Variants in ZC3H12B observed in about 807,000 individuals in gnomAD.
ZC3H12B encodes the protein probable ribonuclease ZC3H12B.
In ZC3H12B, 7 loss-of-function variants were observed where a neutral mutation model predicts 43.9. The observed-to-expected ratio is 0.16, with a 90% CI of 0.09 to 0.30. The LOEUF (loss-of-function observed/expected upper bound fraction) is 0.30, where lower values mean the gene tolerates loss of function less well. Ranked by LOEUF, ZC3H12B falls within the 10% of genes least tolerant of loss-of-function variation. The probability of loss-of-function intolerance (pLI) is 1.00; values close to 1 mark genes in which losing one functional copy is unlikely to be tolerated. For synonymous variants in ZC3H12B, 222 were observed against 241.7 expected (o/e 0.92, Z 0.76); for missense variants, 475 against 670.2 (o/e 0.71, Z 3.22).
chrX:65,426,266 C>T (rs1350452673), intron 3 of ZC3H12B, among the ~76,000 whole-genome samples: 1 of 108,735 alleles, frequency 9.2e-6, no homozygotes, highest in Non-Finnish European at 1.9e-5. Flanking sequence ...ATAGCATTCT[C>T]TGATGGTTGT....
the ZC3H12B span, among the ~76,000 whole-genome samples, chrX:65,101,008 C>G: frequency 1.8e-5 from 2 of 111,615 alleles, no homozygotes; most frequent in Non-Finnish European, 3.8e-5. Flanking sequence ...AAACACTCCT[C>G]AGCAAATTCA....
upstream of ZC3H12B, among the ~76,000 whole-genome samples, chrX:65,365,623 A>G (rs1325915526): frequency 2.7e-5 from 3 of 110,627 alleles, no homozygotes; most frequent in African/African-American, 9.9e-5. Flanking sequence ...CTTCACCACT[A>G]TTTTGTTTTG....
At chrX:65,125,461 G>A in the ZC3H12B span, among the ~76,000 whole-genome samples, 4 of 111,263 alleles carry the variant, frequency 3.6e-5, no homozygotes, top group East Asian at 2.8e-4. Context: ...GTATATTTGG[G>A]TAGAATGTTC....
chrX:65,071,943 C>A, the ZC3H12B span, among the ~76,000 whole-genome samples: 9 of 111,510 alleles, frequency 8.1e-5, no homozygotes, highest in Admixed American at 7.6e-4. Flanking sequence ...TGATGATCTT[C>A]TTGTGAATTA....
At chrX:65,223,299 G>A in the ZC3H12B span, among the ~76,000 whole-genome samples, 7 of 107,719 alleles carry the variant, frequency 6.5e-5, no homozygotes, top group South Asian at 4.0e-4. Context: ...GGGAGACGCC[G>A]TCTTAAAAAA....
chrX:65,409,000 A>T (rs2066870974), intron 3 of ZC3H12B, among the ~76,000 whole-genome samples: 1 of 112,318 alleles, frequency 8.9e-6, no homozygotes, highest in Non-Finnish European at 1.9e-5. Flanking sequence ...GGGGTGAAAT[A>T]AGAAGTTAAA....
chrX:65,500,100 C>T (rs1453006575), intron 4 of ZC3H12B, 111 bp downstream of exon 9: 2 of 602,669 alleles, frequency 3.3e-6, no homozygotes, highest in East Asian at 6.5e-5. Context: ...GGCTTGTCCA[C>T]TGTCTTTGAG....
chrX:65,350,625 A>G, the ZC3H12B span, among the ~76,000 whole-genome samples: 1 of 112,360 alleles, frequency 8.9e-6, no homozygotes, highest in Admixed American at 9.4e-5. Context: ...CAACTTCAGC[A>G]AAGTCTCAGG....
chrX:65,342,837 C>CA, the ZC3H12B span, among the ~76,000 whole-genome samples: 17,001 of 55,385 alleles, frequency 0.31, 4,453 homozygotes, highest in African/African-American at 0.72. Flanking sequence ...GAGACTGAGA[C>CA]AAAAAAAAAA....
At chrX:65,402,265 G>C (rs1417765318) in intron 3 of ZC3H12B, among the ~76,000 whole-genome samples, 1 of 111,856 alleles carries the variant, frequency 8.9e-6, no homozygotes, top group Non-Finnish European at 1.9e-5. Context: ...AAAGAACTGT[G>C]TGTCATGGTT....
chrX:65,134,075 G>C, the ZC3H12B span, among the ~76,000 whole-genome samples: 6 of 110,928 alleles, frequency 5.4e-5, no homozygotes, highest in Non-Finnish European at 9.4e-5. Context: ...GGCGAGAGTT[G>C]AAGAGATTTT....
chrX:65,305,754 G>T, the ZC3H12B span, among the ~76,000 whole-genome samples: 1 of 112,068 alleles, frequency 8.9e-6, no homozygotes, highest in Non-Finnish European at 1.9e-5. Flanking sequence ...TGTAGCTCAT[G>T]GTCAGTGGGT....
At chrX:65,142,109 C>G in the ZC3H12B span, among the ~76,000 whole-genome samples, 1 of 112,040 alleles carries the variant, frequency 8.9e-6, no homozygotes, top group Non-Finnish European at 1.9e-5. Flanking sequence ...AGTGGTTGTA[C>G]TAGTTTACAT....
the ZC3H12B span, among the ~76,000 whole-genome samples, chrX:65,195,950 A>G: frequency 8.9e-6 from 1 of 111,993 alleles, no homozygotes; most frequent in Admixed American, 9.5e-5. Flanking sequence ...GTCTTACTGA[A>G]TAAATGCAAG....
At chrX:65,440,797 T>C (rs2067292181) in intron 3 of ZC3H12B, among the ~76,000 whole-genome samples, 1 of 112,364 alleles carries the variant, frequency 8.9e-6, no homozygotes, top group South Asian at 3.7e-4. Context: ...TGATTTTTTC[T>C]TAATTACGAA....
intron 2 of ZC3H12B, among the ~76,000 whole-genome samples, chrX:65,383,779 C>T (rs1010465060): frequency 9.0e-6 from 1 of 111,659 alleles, no homozygotes; most frequent in Non-Finnish European, 1.9e-5. Context: ...ACAACCCCAT[C>T]ACTGGCCATC....
the ZC3H12B span, among the ~76,000 whole-genome samples, chrX:65,112,948 AAAAATAAATTGAAAACCTTCTGG>A: frequency 8.9e-6 from 1 of 112,173 alleles, no homozygotes; most frequent in Non-Finnish European, 1.9e-5. Context: ...TGGATCTTGG[AAAAATAAATTGAAAACCTTCTGG>A]AAATGATTCA....
chrX:65,407,452 C>A (rs1175901093), intron 3 of ZC3H12B, among the ~76,000 whole-genome samples: 1 of 112,805 alleles, frequency 8.9e-6, no homozygotes, highest in Non-Finnish European at 1.9e-5. Context: ...GGAGCCTCCG[C>A]CGCGTCCTCA....
intron 2 of ZC3H12B, among the ~76,000 whole-genome samples, chrX:65,371,431 G>GT (rs996601251): frequency 7.3e-5 from 8 of 110,040 alleles, no homozygotes; most frequent in African/African-American, 1.3e-4. Context: ...TCTAAGCCCA[G>GT]TTTTTTTTTC....
Sources: gnomAD v4.1 joint callset for allele counts (sites outside exome capture counted in the v4.1 genomes callset) on GRCh38, gnomAD v4.1.1 for gene constraint, MANE v1.5 for transcripts, NCBI Gene and HGNC (gene_info 2026-07-23, HGNC 2026-07-21) for gene names.